Variants in CEP192 observed in about 807,000 individuals in gnomAD.
CEP192 encodes centrosomal protein of 192 kDa.
CEP192 carries 151 observed loss-of-function variants against 271.8 expected under a neutral mutation model. The ratio of observed to expected loss-of-function variants is 0.56; its 90% CI spans 0.49 to 0.64. The LOEUF is 0.64. Ranked by LOEUF, CEP192 falls within the 30% of genes least tolerant of loss-of-function variation. The probability of loss-of-function intolerance (pLI) is 0.00; values close to 1 mark genes in which losing one functional copy is unlikely to be tolerated. For synonymous variants in CEP192, 995 were observed against 1,076.5 expected (o/e 0.92, Z 1.48); for missense variants, 2,910 against 3,020.5 (o/e 0.96, Z 0.86).
Position 13,029,754 on chromosome 18 carries a change from G to T in CEP192, c.1142G>T (p.Arg381Ile), listed in dbSNP as rs780712498. 6.4e-7 allele frequency: 1 copy of T among 1,551,666 alleles called. No homozygotes were observed. Among genetic ancestry groups the T allele is most frequent in the South Asian group, 1.2e-5 (1 of 84,060 alleles). The change falls in exon 10 of 45, where the codon AGA (arginine) becomes ATA (isoleucine). Residue 381 changes from arginine (R) to isoleucine (I), a missense_variant. Arg to Ile is a moderately conservative substitution (Grantham distance 97). Coordinates refer to ENST00000506447, the MANE Select transcript of CEP192 (RefSeq NM_032142.4). ...AATTTTCATGATGCAAATGCCAATA[G>T]AGGTGGTTTTGATCTGACTGACCCT... ...SDNFHDANAN[R>I]GGFDLTDPVK... is the part of the protein sequence containing the mutation.
chr18:13,055,944 T>C lies in CEP192; in HGVS notation c.3354T>C (p.Thr1118=). The C allele has an allele frequency of 6.2e-7, 1 of 1,614,200 alleles. No individual in the cohort carries two copies. The highest frequency in any genetic ancestry group is 1.6e-4 in the Middle Eastern group (1 of 6,062). The change falls in exon 19 of 45, where the codon ACT becomes ACC. Residue 1118 remains threonine, a synonymous_variant. Transcript: ENST00000506447. ...IQNNSDTRKA[T]ETTSLSSKPE... Reference sequence around the variant, plus strand: ...ATAACTCTGATACAAGAAAAGCAACTGAAACTACTTCTCTGAGTAGCAAGC... The same window carrying C: ...ATAACTCTGATACAAGAAAAGCAACCGAAACTACTTCTCTGAGTAGCAAGC...
At chr18:13,031,691 C>T (rs1392859319) in intron 11 of CEP192, among the ~76,000 whole-genome samples, 1 of 152,108 alleles carries the variant, frequency 6.6e-6, no homozygotes, top group African/African-American at 2.4e-5. Context: ...AACTGTTTAT[C>T]AGCCCAGAAT....
intron 9 of CEP192, among the ~76,000 whole-genome samples, chr18:13,029,060 A>G (rs1376373229): frequency 6.6e-6 from 1 of 152,232 alleles, no homozygotes; most frequent in East Asian, 1.9e-4. Flanking sequence ...GTGGCAGCCA[A>G]ATGTCCACTA....
chr18:13,013,903 T>TA (rs1461329426), intron 5 of CEP192, among the ~76,000 whole-genome samples: 1 of 152,370 alleles, frequency 6.6e-6, no homozygotes, highest in East Asian at 1.9e-4. Flanking sequence ...AAGTAAAAGT[T>TA]ATTTCCCTGT....
intron 28 of CEP192, among the ~76,000 whole-genome samples, chr18:13,071,676 T>A (rs1470193143): frequency 6.6e-6 from 1 of 152,154 alleles, no homozygotes; most frequent in African/African-American, 2.4e-5. Context: ...GGGAGAGGGG[T>A]ACCTTAGGAA....
chr18:13,040,831 C>T lies in CEP192; in HGVS notation c.1811C>T (p.Pro604Leu). ...CLGGGNNVKR[P>L]SFGYFIRSPE... is the part of the protein sequence containing the mutation. ...AATTTACCTTTAATTATTTTGTAGCCATCATTTGGCTATTTTATTAGATCA... is the reference window on the plus strand; with the variant it reads ...AATTTACCTTTAATTATTTTGTAGCTATCATTTGGCTATTTTATTAGATCA... The change falls in exon 14 of 45, where the codon CCA (proline) becomes CTA (leucine). Residue 604 changes from proline to leucine, a missense_variant and splice_region_variant. Physicochemically the swap from Pro to Leu is moderately conservative, Grantham distance 98. Transcript: ENST00000506447. 6.3e-7 allele frequency: 1 copy of T among 1,577,866 alleles called. No homozygotes were observed. Among genetic ancestry groups the T allele is most frequent in the Non-Finnish European group, 8.6e-7 (1 of 1,160,862 alleles).
chr18:13,103,069 C>T (rs2039789659), intron 38 of CEP192, among the ~76,000 whole-genome samples: 1 of 152,188 alleles, frequency 6.6e-6, no homozygotes, highest in Non-Finnish European at 1.5e-5. Flanking sequence ...CCTTTGAAGC[C>T]TGTCTTCAAA....
At chr18:13,046,700 T>C (rs1343919392) in intron 15 of CEP192, among the ~76,000 whole-genome samples, 1 of 152,042 alleles carries the variant, frequency 6.6e-6, no homozygotes, top group African/African-American at 2.4e-5. Context: ...TACTCCATAC[T>C]TAAAAAGCTT....
At chr18:13,001,824 C>G (rs1378686688) in intron 3 of CEP192, among the ~76,000 whole-genome samples, 1 of 152,210 alleles carries the variant, frequency 6.6e-6, no homozygotes, top group Non-Finnish European at 1.5e-5. Context: ...CTGCCTCAGC[C>G]TCCTGAGTAG....
intron 21 of CEP192, among the ~76,000 whole-genome samples, chr18:13,063,760 G>A (rs969015273): frequency 1.5e-4 from 23 of 151,020 alleles, no homozygotes; most frequent in African/African-American, 4.9e-4. Context: ...GGTTGCCTTC[G>A]TTTGTGGGGT....
At position 13,071,173 on chromosome 18, in the gene CEP192, A is replaced by T. The variant is rs1250014039; in HGVS notation, c.5309A>T (p.Gln1770Leu). 1 of 1,614,176 alleles carries T rather than the reference A, an allele frequency of 6.2e-7. No homozygotes were observed. ...LDIPSILSNK[Q>L]FLAWGGVPLG... is the part of the protein sequence containing the mutation. Reference sequence around the variant, plus strand: ...ATTCCATCGATTTTGTCCAACAAACAATTTCTGGCTTGGGGAGGAGTCCCT... The same window carrying T: ...ATTCCATCGATTTTGTCCAACAAACTATTTCTGGCTTGGGGAGGAGTCCCT... Residue 1770 changes from glutamine (Q) to leucine (L), a missense_variant, in exon 28 of 45, where the codon CAA becomes CTA. By Grantham distance (113) the Gln-to-Leu change is moderately radical. Coordinates refer to ENST00000506447, the MANE Select transcript of CEP192 (RefSeq NM_032142.4).
At chr18:13,076,233 C>T (rs2038267652) in intron 30 of CEP192, among the ~76,000 whole-genome samples, 1 of 151,990 alleles carries the variant, frequency 6.6e-6, no homozygotes, top group Non-Finnish European at 1.5e-5. Context: ...ATTCTTTTTT[C>T]TTTTCTTTTT....
intron 6 of CEP192, among the ~76,000 whole-genome samples, chr18:13,015,728 A>G (rs570086317): frequency 6.6e-6 from 1 of 152,212 alleles, no homozygotes; most frequent in East Asian, 1.9e-4. Context: ...TTGTGTTTAG[A>G]AATTAGGGGA....
intron 6 of CEP192, among the ~76,000 whole-genome samples, chr18:13,016,257 G>A (rs756318354): frequency 6.6e-6 from 1 of 152,156 alleles, no homozygotes; most frequent in Non-Finnish European, 1.5e-5. Flanking sequence ...AGATATGGGA[G>A]GAGGAGGAGG....
chr18:13,016,664 C>T (rs535373459), intron 6 of CEP192, among the ~76,000 whole-genome samples: 21 of 152,240 alleles, frequency 1.4e-4, no homozygotes, highest in Admixed American at 1.0e-3. Flanking sequence ...CAAAATTGAC[C>T]TCTAAAGTGA....
chr18:13,124,100 C>T (rs1222417915), intron 44 of CEP192, among the ~76,000 whole-genome samples: 2 of 151,994 alleles, frequency 1.3e-5, no homozygotes, highest in Non-Finnish European at 2.9e-5. Context: ...GTAGAAGTTG[C>T]AGTGAGTCAA....
chr18:13,059,011 TAAAC>T (rs2037265990), intron 20 of CEP192, 67 bp from the exon 21 acceptor site: 4 of 963,284 alleles, frequency 4.2e-6, no homozygotes, highest in Non-Finnish European at 5.0e-6. Context: ...AAAGGAATCT[TAAAC>T]TAGGTGATTC....
chr18:12,997,306 C>G (rs150412251), intron 1 of CEP192, among the ~76,000 whole-genome samples: 152 of 152,202 alleles, frequency 1.0e-3, no homozygotes, highest in African/African-American at 3.4e-3. Flanking sequence ...AGTCTGAGCC[C>G]TGAACAAGTC....
chr18:13,107,453 C>T (rs989348891), intron 40 of CEP192, among the ~76,000 whole-genome samples: 1 of 152,252 alleles, frequency 6.6e-6, no homozygotes, highest in Non-Finnish European at 1.5e-5. Flanking sequence ...TGATGTCCCT[C>T]TCTGGGCTGA....
Sources: gnomAD v4.1 joint callset for allele counts (sites outside exome capture counted in the v4.1 genomes callset) on GRCh38, gnomAD v4.1.1 for gene constraint, MANE v1.5 for transcripts, NCBI Gene and HGNC (gene_info 2026-07-23, HGNC 2026-07-21) for gene names.